SAMD5: variants seen among roughly 807,000 people sequenced by gnomAD.
SAMD5 encodes sterile alpha motif domain-containing protein 5.
Under a neutral mutation model 11.3 loss-of-function variants are expected in SAMD5, and 13 were observed. The observed-to-expected ratio is 1.15, with a 90% CI of 0.75 to 1.83. The LOEUF (loss-of-function observed/expected upper bound fraction) is 1.83, where lower values mean the gene tolerates loss of function less well. SAMD5 is among the 40% of genes most tolerant of loss of function. The pLI is 0.00. For missense variants in SAMD5, 255 were observed against 239.1 expected (o/e 1.07, Z -0.44); for synonymous variants, 129 against 111.3 (o/e 1.16, Z -1.00).
chr6:147,915,172 C>T, the SAMD5 span, among the ~76,000 whole-genome samples: 2 of 152,136 alleles, frequency 1.3e-5, no homozygotes, highest in Non-Finnish European at 2.9e-5. Context: ...AAGTTGATAG[C>T]TTTTCTGTAG....
At chr6:147,913,918 A>C in the SAMD5 span, among the ~76,000 whole-genome samples, 1 of 152,152 alleles carries the variant, frequency 6.6e-6, no homozygotes, top group Non-Finnish European at 1.5e-5. Context: ...ACTGAAAGAC[A>C]CCCATGAGCA....
chr6:147,937,774 C>T, the SAMD5 span, among the ~76,000 whole-genome samples: 1 of 152,046 alleles, frequency 6.6e-6, no homozygotes, highest in Non-Finnish European at 1.5e-5. Context: ...TAATTCGCAC[C>T]ATAGATTTAA....
the SAMD5 span, among the ~76,000 whole-genome samples, chr6:147,860,256 C>G: frequency 6.6e-6 from 1 of 152,174 alleles, no homozygotes; most frequent in South Asian, 2.1e-4. Flanking sequence ...TTCCGTTTGT[C>G]TTCTCTTTTA....
intron 1 of SAMD5, among the ~76,000 whole-genome samples, chr6:147,641,938 T>A (rs1790318544): frequency 6.6e-6 from 1 of 152,206 alleles, no homozygotes; most frequent in Non-Finnish European, 1.5e-5. Flanking sequence ...GAATACTTAT[T>A]TTTTCTGTCA....
intron 1 of SAMD5, among the ~76,000 whole-genome samples, chr6:147,555,343 C>T (rs943646708): frequency 1.3e-5 from 2 of 152,168 alleles, no homozygotes; most frequent in African/African-American, 4.8e-5. Flanking sequence ...ACAAGCCATG[C>T]TTATTTAGAC....
intron 1 of SAMD5, among the ~76,000 whole-genome samples, chr6:147,656,137 A>T (rs929876065): frequency 6.6e-6 from 1 of 152,190 alleles, no homozygotes; most frequent in Non-Finnish European, 1.5e-5. Context: ...AGCAATTTTG[A>T]AAAAGGTAAA....
the SAMD5 span, among the ~76,000 whole-genome samples, chr6:147,801,140 C>CAT: frequency 2.0e-5 from 3 of 152,110 alleles, no homozygotes; most frequent in African/African-American, 4.8e-5. Context: ...TGAAGCTTGA[C>CAT]ATAGTACAAG....
At chr6:147,631,707 T>C (rs1227375468) in intron 1 of SAMD5, among the ~76,000 whole-genome samples, 4 of 151,946 alleles carry the variant, frequency 2.6e-5, no homozygotes, top group Admixed American at 1.3e-4. Flanking sequence ...GACCAAGAGG[T>C]ATTTTAGTTT....
chr6:147,811,428 G>C, the SAMD5 span, among the ~76,000 whole-genome samples: 19 of 152,328 alleles, frequency 1.2e-4, no homozygotes, highest in African/African-American at 4.6e-4. Flanking sequence ...TTAGCCTCAG[G>C]TTAGGGAATT....
the SAMD5 span, among the ~76,000 whole-genome samples, chr6:147,939,530 G>A: frequency 6.6e-6 from 1 of 152,210 alleles, no homozygotes; most frequent in Admixed American, 6.5e-5. Flanking sequence ...GCATTAGGAA[G>A]CTGTATGCCA....
chr6:147,571,375 A>T (rs1367549064), downstream of SAMD5, among the ~76,000 whole-genome samples: 11 of 152,168 alleles, frequency 7.2e-5, no homozygotes, highest in Non-Finnish European at 1.5e-4. Flanking sequence ...GATAATGAAT[A>T]TCTTCTAGTT....
chr6:147,527,037 C>T (rs770997942), intron 1 of SAMD5, among the ~76,000 whole-genome samples: 1 of 152,180 alleles, frequency 6.6e-6, no homozygotes, highest in East Asian at 1.9e-4. Flanking sequence ...CATAGTCACC[C>T]CTTTTACTGT....
chr6:147,687,075 T>A (rs1791022424), intron 1 of SAMD5, among the ~76,000 whole-genome samples: 2 of 152,224 alleles, frequency 1.3e-5, no homozygotes, highest in East Asian at 3.9e-4. Flanking sequence ...TGTAGATAAA[T>A]TCTGGGACAA....
chr6:147,678,935 G>A (rs73010172), intron 1 of SAMD5, among the ~76,000 whole-genome samples: 1 of 151,986 alleles, frequency 6.6e-6, no homozygotes, highest in Non-Finnish European at 1.5e-5. Context: ...CTCCAAAAGT[G>A]TATTGTTGTA....
chr6:147,564,441 A>T lies in SAMD5; in HGVS notation c.507A>T (p.Ser169=). 1.3e-6 allele frequency: 1 copy of T among 781,972 alleles called. No individual in the cohort carries two copies. 48.4% of individuals were successfully genotyped at this position (781,972 alleles called of 1,614,324 possible). The change falls in exon 2 of 2, where the codon TCA becomes TCT. Residue 169 remains serine, a synonymous_variant. Coordinates refer to ENST00000367474, the MANE Select transcript of SAMD5 (RefSeq NM_001030060.3). ...ILEYLMNWPK[S]SQSR ...AGTACTTAATGAATTGGCCGAAGTCATCACAGAGCCGCTAGATATCATTTT... is the reference window on the plus strand; with the variant it reads ...AGTACTTAATGAATTGGCCGAAGTCTTCACAGAGCCGCTAGATATCATTTT...
chr6:147,569,555 C>T lies in SAMD5; in HGVS notation c.*5099C>T. The T allele has an allele frequency of 1.1e-6, 1 of 928,102 alleles. No individual in the cohort carries two copies. The highest frequency in any genetic ancestry group is 1.3e-6 in the Non-Finnish European group (1 of 777,874). The allele number at this position is 928,102 out of a possible 1,614,324, so 57.5% of individuals were successfully genotyped here. A position where few individuals can be genotyped will look rare whatever the true frequency, so the allele number is the denominator to read the frequency against. ...TAATACCCTTAATTAGATGAATTATCCCTTATCATTCCAAAAATGAAATGC... is the reference window on the plus strand; with the variant it reads ...TAATACCCTTAATTAGATGAATTATTCCTTATCATTCCAAAAATGAAATGC... On this transcript the variant is annotated 3_prime_UTR_variant, in exon 2 of 2. Transcript: ENST00000367474.
chr6:147,893,018 G>A, the SAMD5 span, among the ~76,000 whole-genome samples: 1 of 152,062 alleles, frequency 6.6e-6, no homozygotes, highest in African/African-American at 2.4e-5. Context: ...TTCAAGACCA[G>A]CCTGACCAAC....
chr6:147,871,529 G>A, the SAMD5 span, among the ~76,000 whole-genome samples: 2 of 152,154 alleles, frequency 1.3e-5, no homozygotes, highest in African/African-American at 4.8e-5. Flanking sequence ...AATAAAAGAA[G>A]TAAAGGAAAG....
chr6:147,747,044 TCTC>T, the SAMD5 span, among the ~76,000 whole-genome samples: 2 of 152,180 alleles, frequency 1.3e-5, no homozygotes, highest in Non-Finnish European at 2.9e-5. Flanking sequence ...GGCCTGCTCT[TCTC>T]CTCTGGGTAC....
Sources: allele counts gnomAD v4.1 joint callset (sites outside exome capture counted in the v4.1 genomes callset), GRCh38; gene constraint gnomAD v4.1.1; transcripts MANE v1.5; gene names NCBI Gene and HGNC (gene_info 2026-07-23, HGNC 2026-07-21).